The following NAALADL2 variants were observed in gnomAD, a reference collection of about 807,000 sequenced individuals.
The protein encoded by NAALADL2 is N-acetylated alpha-linked acidic dipeptidase like 2, also known as inactive N-acetylated-alpha-linked acidic dipeptidase-like protein 2.
In NAALADL2, 76 loss-of-function variants were observed where a neutral mutation model predicts 87.2. The observed-to-expected ratio is 0.87, with a 90% CI of 0.72 to 1.05. The LOEUF (loss-of-function observed/expected upper bound fraction) is 1.05. NAALADL2 is among the 50% of genes least tolerant of loss of function. The probability of loss-of-function intolerance (pLI) is 0.00; values close to 1 mark genes in which losing one functional copy is unlikely to be tolerated. For synonymous variants in NAALADL2, 354 were observed against 331.0 expected, an observed-to-expected ratio of 1.07 and a Z score of -0.75; for missense variants, 1,089 against 945.8, an observed-to-expected ratio of 1.15 and a Z score of -1.99.
intron 1 of NAALADL2, 145 bp from the exon 2 acceptor site, chr3:175,096,645 A>G: frequency 2.4e-6 from 1 of 416,708 alleles, no homozygotes; most frequent in Non-Finnish European, 4.1e-6. Context: ...TTAATTAAAT[A>G]AAATATGAGT....
At chr3:175,100,413 C>T (rs539638384) in intron 2 of NAALADL2, among the ~76,000 whole-genome samples, 1 of 152,252 alleles carries the variant, frequency 6.6e-6, no homozygotes, top group East Asian at 1.9e-4. Context: ...AAAAGTTTAA[C>T]AAAACTATTT....
At chr3:174,556,837 C>T (rs150909089) in intron 2 of NAALADL2, among the ~76,000 whole-genome samples, 212 of 152,186 alleles carry the variant, frequency 1.4e-3, no homozygotes, top group Middle Eastern at 0.01. Flanking sequence ...AACTCCTGGG[C>T]TCAAGCAATC....
intron 4 of NAALADL2, among the ~76,000 whole-genome samples, chr3:175,257,691 G>T (rs899545281): frequency 1.3e-5 from 2 of 151,962 alleles, no homozygotes; most frequent in African/African-American, 4.8e-5. Flanking sequence ...AAATCATGCT[G>T]CCTTTATACT....
At chr3:175,491,016 ATAGAGACT>A (rs1398532118) in intron 9 of NAALADL2, among the ~76,000 whole-genome samples, 1 of 152,066 alleles carries the variant, frequency 6.6e-6, no homozygotes, top group Admixed American at 6.6e-5. Context: ...ACAAGGATGG[ATAGAGACT>A]TTTTTTAAAA....
At chr3:175,131,803 GC>G (rs1727951774) in intron 2 of NAALADL2, among the ~76,000 whole-genome samples, 1 of 143,160 alleles carries the variant, frequency 7.0e-6, no homozygotes, top group African/African-American at 2.6e-5. Context: ...CGGACGGGGG[GC>G]CTGGCCGGGC....
chr3:174,508,246 T>A (rs974801069), intron 1 of NAALADL2, among the ~76,000 whole-genome samples: 4 of 151,278 alleles, frequency 2.6e-5, no homozygotes, highest in African/African-American at 7.3e-5. Flanking sequence ...CCCGAGTAGC[T>A]AGGACTACAG....
intron 2 of NAALADL2, among the ~76,000 whole-genome samples, chr3:174,621,334 A>G (rs1353650527): frequency 6.6e-6 from 1 of 152,140 alleles, no homozygotes; most frequent in African/African-American, 2.4e-5. Flanking sequence ...AAAAAAACGA[A>G]TCAATGAAAA....
At chr3:175,136,960 A>G (rs1729205019) in intron 2 of NAALADL2, among the ~76,000 whole-genome samples, 1 of 152,220 alleles carries the variant, frequency 6.6e-6, no homozygotes, top group South Asian at 2.1e-4. Flanking sequence ...TTGGTGGGCA[A>G]AAATACACTT....
In NAALADL2 at chr3:175,429,875, T is replaced by C. The variant is rs189483214; in HGVS notation, c.1091-17354T>C. Reference sequence around the variant, plus strand: ...GGTAATATGTATGAAAATATTTAAGTAAAAGAAAGTATAATAATAACATTA... The same window carrying C: ...GGTAATATGTATGAAAATATTTAAGCAAAAGAAAGTATAATAATAACATTA... On this transcript the variant is annotated intron_variant, in intron 5 of 13. Transcript: ENST00000454872. 1.8e-3 allele frequency among the ~76,000 whole-genome samples: 272 copies of C among 152,048 alleles called. 2 individuals are homozygous for C. The highest frequency in any genetic ancestry group is 5.5e-3 in the African/African-American group (228 of 41,524).
At chr3:174,854,841 T>TC (rs1725676364), upstream of NAALADL2, among the ~76,000 whole-genome samples, 1 of 144,408 alleles carries the variant, frequency 6.9e-6, no homozygotes, top group Non-Finnish European at 1.5e-5. Flanking sequence ...TTTTCTTTTT[T>TC]TTTTTTTTTT....
chr3:174,508,113 G>GGTTTTTTTTTGTTT (rs556554985), intron 1 of NAALADL2, among the ~76,000 whole-genome samples: 6,524 of 92,902 alleles, frequency 0.07, 350 homozygotes, highest in South Asian at 0.12. Flanking sequence ...GATATCTAGT[G>GGTTTTTTTTTGTTT]GTTTTTTTTT....
intron 4 of NAALADL2, among the ~76,000 whole-genome samples, chr3:175,289,340 A>G (rs1755364333): frequency 6.6e-6 from 1 of 152,128 alleles, no homozygotes; most frequent in Admixed American, 6.5e-5. Flanking sequence ...ATAGAGCTGC[A>G]GTGTAGTACT....
At chr3:174,619,915 A>C (rs1433530403) in intron 2 of NAALADL2, among the ~76,000 whole-genome samples, 1 of 151,982 alleles carries the variant, frequency 6.6e-6, no homozygotes, top group Non-Finnish European at 1.5e-5. Context: ...TGCTAGGTGA[A>C]TTACATGCAT....
chr3:175,697,455 A>G (rs1737982646), intron 11 of NAALADL2, among the ~76,000 whole-genome samples: 3 of 149,712 alleles, frequency 2.0e-5, no homozygotes, highest in African/African-American at 7.5e-5. Flanking sequence ...ATGAGGGTGT[A>G]TTGTTACTTT....
chr3:175,532,375 A>C (rs987080706), intron 9 of NAALADL2, among the ~76,000 whole-genome samples: 2 of 152,166 alleles, frequency 1.3e-5, no homozygotes, highest in African/African-American at 4.8e-5. Flanking sequence ...TTAACAGCCT[A>C]AATTGTCAGT....
intron 1 of NAALADL2, among the ~76,000 whole-genome samples, chr3:175,015,193 C>CT (rs1446735300): frequency 6.6e-6 from 1 of 152,060 alleles, no homozygotes; most frequent in Admixed American, 6.6e-5. Flanking sequence ...ATTTGGTGAA[C>CT]TTAACACTTC....
At position 175,702,183 on chromosome 3, in the gene NAALADL2, C is replaced by A. The variant is rs1165531434; in HGVS notation, c.1897-35123C>A. Among the ~76,000 whole-genome samples the A allele has an allele frequency of 2.0e-5, 3 of 152,186 alleles. No homozygotes were observed. The South Asian group carries it at 6.2e-4, about 32-fold the overall frequency. On this transcript the variant is annotated intron_variant, in intron 11 of 13. Coordinates refer to ENST00000454872, the MANE Select transcript of NAALADL2 (RefSeq NM_207015.3). ...AGAAACACAAAGTTAATCTGTAATTCTGTTCTAGTAGTTTATAGAGGTCTG... is the reference window on the plus strand; with the variant it reads ...AGAAACACAAAGTTAATCTGTAATTATGTTCTAGTAGTTTATAGAGGTCTG...
At chr3:174,540,914 T>G (rs2108465456) in intron 1 of NAALADL2, among the ~76,000 whole-genome samples, 1 of 152,288 alleles carries the variant, frequency 6.6e-6, no homozygotes, top group African/African-American at 2.4e-5. Flanking sequence ...TTTTCTTATC[T>G]TAATAGCTAC....
In NAALADL2 at chr3:175,522,076, A is replaced by C. The variant is rs148787374; in HGVS notation, c.1653+50318A>C. Among the ~76,000 whole-genome samples the C allele has an allele frequency of 2.2e-4, 34 of 152,316 alleles. No individual in the cohort carries two copies. The East Asian group carries it at 4.4e-3, about 20-fold the overall frequency. ...AGTGCATGATATGAAGATTGTATTT[A>C]ATTTTCCTATTAGCTATAAAAACAG... On this transcript the variant is annotated intron_variant, in intron 9 of 13. Coordinates refer to ENST00000454872, the MANE Select transcript of NAALADL2 (RefSeq NM_207015.3).
Sources: allele counts gnomAD v4.1 joint callset (sites outside exome capture counted in the v4.1 genomes callset), GRCh38; gene constraint gnomAD v4.1.1; transcripts MANE v1.5; gene names NCBI Gene and HGNC (gene_info 2026-07-23, HGNC 2026-07-21).